RERE: variants seen among roughly 807,000 people sequenced by gnomAD.
RERE encodes the protein arginine-glutamic acid dipeptide repeats, also known as arginine-glutamic acid dipeptide repeats protein.
In RERE, 40 loss-of-function variants were observed where a neutral mutation model predicts 146.1. That is an observed-to-expected ratio of 0.27 (90% CI 0.21 to 0.36). The LOEUF is 0.36. RERE is among the 10% of genes least tolerant of loss of function. RERE has a pLI of 1.00. For synonymous variants in RERE, 1,003 were observed against 866.0 expected (o/e 1.16, Z -2.78); for missense variants, 1,933 against 2,138.7 (o/e 0.90, Z 1.90).
intron 1 of RERE, among the ~76,000 whole-genome samples, chr1:8,705,215 T>A (rs919259303): frequency 6.6e-6 from 1 of 152,258 alleles, no homozygotes; most frequent in Non-Finnish European, 1.5e-5. Context: ...ATACTGTACC[T>A]AGTCTCTCAG....
chr1:8,465,550 A>G, intron 11 of RERE: 1 of 349,948 alleles, frequency 2.9e-6, no homozygotes, highest in South Asian at 2.2e-5. Flanking sequence ...AAAAAAGACA[A>G]GTCACCAACC....
intron 8 of RERE, among the ~76,000 whole-genome samples, chr1:8,506,369 C>T (rs903005656): frequency 6.6e-6 from 1 of 152,242 alleles, no homozygotes; most frequent in Non-Finnish European, 1.5e-5. Flanking sequence ...GAAGTATCTT[C>T]TATAAACTAT....
chr1:8,415,983 T>A (rs1281415491), intron 12 of RERE, among the ~76,000 whole-genome samples: 2 of 152,228 alleles, frequency 1.3e-5, no homozygotes, highest in Admixed American at 6.5e-5. Context: ...CTCTTACCCA[T>A]CTTGCCAGCC....
At chr1:8,684,743 A>G (rs1001470873) in intron 1 of RERE, among the ~76,000 whole-genome samples, 2 of 152,198 alleles carry the variant, frequency 1.3e-5, no homozygotes, top group African/African-American at 4.8e-5. Context: ...TGTCACCACC[A>G]TCTTTGCCTC....
Position 8,794,078 on chromosome 1 carries a change from AT to A in RERE, c.-145+23081del, listed in dbSNP as rs879924042. 1.0e-3 allele frequency among the ~76,000 whole-genome samples: 148 copies of A among 144,446 alleles called. 2 individuals are homozygous for A. In the South Asian group the frequency reaches 0.015, roughly 14 times the overall value. 94.8% of individuals were successfully genotyped at this position (144,446 alleles called of 152,430 possible). A position where few individuals can be genotyped will look rare whatever the true frequency, so the allele number is the denominator to read the frequency against. Reference sequence around the variant, plus strand: ...GCAAGACTGTCTCAAAAAAAAAAAAATTTTTTTTTTTTGAGAGAGAAAAAAA... The same window carrying A: ...GCAAGACTGTCTCAAAAAAAAAAAAATTTTTTTTTTTGAGAGAGAAAAAAA... On this transcript the variant is annotated intron_variant, in intron 1 of 22. Transcript: ENST00000400908.
chr1:8,384,982 C>T (rs912566251), intron 12 of RERE, among the ~76,000 whole-genome samples: 1 of 152,182 alleles, frequency 6.6e-6, no homozygotes, highest in Non-Finnish European at 1.5e-5. Context: ...GTCTCTCGTG[C>T]TTGCACCTTC....
intron 12 of RERE, among the ~76,000 whole-genome samples, chr1:8,417,389 TAAGA>T (rs974464558): frequency 1.3e-5 from 2 of 152,238 alleles, no homozygotes; most frequent in Admixed American, 6.5e-5. Flanking sequence ...GAAATGTGGC[TAAGA>T]AAGGTGGTTG....
chr1:8,520,344 G>A (rs965223838), intron 7 of RERE, among the ~76,000 whole-genome samples: 1 of 152,132 alleles, frequency 6.6e-6, no homozygotes, highest in East Asian at 1.9e-4. Context: ...CACACCGGCA[G>A]CTCTCCCACA....
At chr1:8,517,719 C>A (rs1245556639) in intron 7 of RERE, among the ~76,000 whole-genome samples, 2 of 151,932 alleles carry the variant, frequency 1.3e-5, no homozygotes, top group South Asian at 2.1e-4. Context: ...TACAAAAAAA[C>A]CCCAGTGTAA....
Position 8,364,147 on chromosome 1 carries a change from T to G in RERE, c.1649A>C (p.Asp550Ala), listed in dbSNP as rs1460246902. 1 of 1,613,890 alleles carries G rather than the reference T, an allele frequency of 6.2e-7. No individual in the cohort carries two copies. The highest frequency in any genetic ancestry group is 1.3e-5 in the African/African-American group (1 of 74,864). ...GGGTTTGAACATAAACGGTGGCGGGTCCACGGGCTTCTCAATGGGCGGGAG... is the reference window on the plus strand; with the variant it reads ...GGGTTTGAACATAAACGGTGGCGGGGCCACGGGCTTCTCAATGGGCGGGAG... ...GELPPIEKPV[D>A]PPPFMFKPVK... The change falls in exon 15 of 23, where the codon GAC (aspartate) becomes GCC (alanine). Residue 550 changes from aspartate to alanine, a missense_variant. Around this residue, in one of 11 missense-constraint regions of RERE, gnomAD observed 260 missense variants for 378.4 expected, o/e 0.69. Transcript: ENST00000400908. The surrounding 1 kb of genome is among the most constrained non-coding windows in gnomAD (Gnocchi z 5.1).
rs575368629 is a variant in RERE, at chr1:8,807,843, C to T, written c.-145+9317G>A. On this transcript the variant is annotated intron_variant, in intron 1 of 22. Transcript: ENST00000400908. Reference sequence around the variant, plus strand: ...AGTGAAATTTAGGAGGATGAGAGAGCCCTTGACTAGTCCTGGAGCTTAAGT... The same window carrying T: ...AGTGAAATTTAGGAGGATGAGAGAGTCCTTGACTAGTCCTGGAGCTTAAGT... 1.3e-4 allele frequency among the ~76,000 whole-genome samples: 20 copies of T among 152,256 alleles called. No individual in the cohort carries two copies. The South Asian group carries it at 4.1e-3, about 32-fold the overall frequency.
chr1:8,478,105 A>G (rs754927259), intron 10 of RERE, among the ~76,000 whole-genome samples: 1 of 152,236 alleles, frequency 6.6e-6, no homozygotes, highest in Non-Finnish European at 1.5e-5. Context: ...TCCCAATCTA[A>G]TAACAGGTCT....
At chr1:8,368,831 C>T (rs1460623621) in intron 12 of RERE, among the ~76,000 whole-genome samples, 2 of 151,778 alleles carry the variant, frequency 1.3e-5, no homozygotes, top group Non-Finnish European at 2.9e-5. Flanking sequence ...GAGGCTGAGG[C>T]AGGAGGATCA....
At chr1:8,747,290 C>T (rs187650129) in intron 1 of RERE, among the ~76,000 whole-genome samples, 24 of 152,162 alleles carry the variant, frequency 1.6e-4, no homozygotes, top group Admixed American at 5.9e-4. Context: ...CATGAGCCAC[C>T]GCGCCCAGCC....
chr1:8,668,150 C>G (rs1638621332), intron 1 of RERE, among the ~76,000 whole-genome samples: 2 of 152,242 alleles, frequency 1.3e-5, no homozygotes, highest in Non-Finnish European at 2.9e-5. Context: ...TTATGCTTCA[C>G]TAATATGCAA....
At chr1:8,375,920 A>ATATTTATCTTTTACATATACTT (rs1642231402) in intron 12 of RERE, among the ~76,000 whole-genome samples, 1 of 152,266 alleles carries the variant, frequency 6.6e-6, no homozygotes, top group Admixed American at 6.5e-5. Flanking sequence ...ATCTTAATAT[A>ATATTTATCTTTTACATATACTT]TATTTATCTT....
intron 2 of RERE, among the ~76,000 whole-genome samples, chr1:8,644,279 G>C (rs1647227922): frequency 6.6e-6 from 1 of 152,178 alleles, no homozygotes; most frequent in Non-Finnish European, 1.5e-5. Context: ...TTGGAACTGT[G>C]AATCTTGAGC....
Position 8,419,489 on chromosome 1 carries a change from T to C in RERE, c.1284+3238A>G, listed in dbSNP as rs143211292. The stretch of plus-strand genomic sequence containing the variant: ...AAGCTTCAAGACGGACGTTGTTAAC[T>C]AGTTGCTGCCCTCCAAGTTTTTGGC... On this transcript the variant is annotated intron_variant, in intron 12 of 22. Coordinates refer to ENST00000400908, the MANE Select transcript of RERE (RefSeq NM_001042681.2). 5.2e-4 allele frequency among the ~76,000 whole-genome samples: 79 copies of C among 152,330 alleles called. 1 individual carries two copies. The East Asian group carries it at 0.014, about 27-fold the overall frequency.
chr1:8,361,033 G>A lies in RERE; in HGVS notation c.2474C>T (p.Pro825Leu), dbSNP rs751303379. ...CGCCGACCCAGTCAGAGGCTGCAGC[G>A]GGGGATGTGGCGAGGGATGCGGCGG... The part of the protein sequence containing the change: ...HPPPHPSPHP[P>L]LQPLTGSAGQ... The change falls in exon 18 of 23, where the codon CCG becomes CTG. Residue 825 changes from proline (P) to leucine (L), a missense_variant. This residue lies in a region of RERE where 1,255 missense variants were observed against 1,153.8 expected (regional missense o/e 1.09). Coordinates refer to ENST00000400908, the MANE Select transcript of RERE (RefSeq NM_001042681.2). 1.9e-5 allele frequency: 27 copies of A among 1,437,872 alleles called. No homozygotes were observed. Among genetic ancestry groups the A allele is most frequent in the Middle Eastern group, 1.9e-4 (1 of 5,236 alleles). The allele number at this position is 1,437,872 out of a possible 1,614,324, so 89.1% of individuals were successfully genotyped here.
Sources: allele counts gnomAD v4.1 joint callset (sites outside exome capture counted in the v4.1 genomes callset), GRCh38; gene constraint gnomAD v4.1.1; regional missense constraint gnomAD v4.1.1; non-coding constraint Gnocchi (gnomAD v3.1); transcripts MANE v1.5; gene names NCBI Gene and HGNC (gene_info 2026-07-23, HGNC 2026-07-21).